The following MACROD2 variants were observed in gnomAD, a reference collection of about 807,000 sequenced individuals.
The protein encoded by MACROD2 is mono-ADP ribosylhydrolase 2.
MACROD2 carries 36 observed loss-of-function variants against 70.4 expected under a neutral mutation model. That is an observed-to-expected ratio of 0.51 (90% CI 0.39 to 0.68). The LOEUF (loss-of-function observed/expected upper bound fraction) is 0.68. Ranked by LOEUF, MACROD2 falls within the 30% of genes least tolerant of loss-of-function variation. MACROD2 has a pLI of 0.00. For synonymous variants in MACROD2, 172 were observed against 178.8 expected, an observed-to-expected ratio of 0.96 and a Z score of 0.30; for missense variants, 496 against 538.4, an observed-to-expected ratio of 0.92 and a Z score of 0.78.
intron 8 of MACROD2, among the ~76,000 whole-genome samples, chr20:15,535,676 A>T (rs2047864758): frequency 6.6e-6 from 1 of 152,144 alleles, no homozygotes; most frequent in Admixed American, 6.5e-5. Context: ...CAACCAAGGC[A>T]GGTGGTACTG....
chr20:15,442,594 T>A (rs1290024779), intron 7 of MACROD2, among the ~76,000 whole-genome samples: 3 of 152,154 alleles, frequency 2.0e-5, no homozygotes, highest in Non-Finnish European at 4.4e-5. Context: ...ACCTTCCATT[T>A]AAGAGAAATT....
chr20:14,597,013 G>T (rs1332284017), intron 4 of MACROD2, among the ~76,000 whole-genome samples: 1 of 152,150 alleles, frequency 6.6e-6, no homozygotes, highest in Non-Finnish European at 1.5e-5. Context: ...TTAAAATGAA[G>T]TGTCATCTTT....
intron 5 of MACROD2, chr20:15,196,926 C>T (rs1171900721): frequency 2.0e-6 from 2 of 985,236 alleles, no homozygotes; most frequent in Non-Finnish European, 2.4e-6. Context: ...GGAAAGACTA[C>T]ATAAAAAACC....
intron 5 of MACROD2, among the ~76,000 whole-genome samples, chr20:15,039,234 A>T (rs1409593536): frequency 6.6e-6 from 1 of 152,214 alleles, no homozygotes; most frequent in Non-Finnish European, 1.5e-5. Context: ...TTAATGAAGT[A>T]TAGGAGAGAA....
At chr20:15,864,128 G>A (rs2147166915) in intron 9 of MACROD2, among the ~76,000 whole-genome samples, 1 of 151,276 alleles carries the variant, frequency 6.6e-6, no homozygotes, top group South Asian at 2.1e-4. Flanking sequence ...AAGCATCTCA[G>A]TGTTTTACAG....
At chr20:15,167,323 T>C (rs943788935) in intron 5 of MACROD2, among the ~76,000 whole-genome samples, 1 of 152,188 alleles carries the variant, frequency 6.6e-6, no homozygotes, top group Non-Finnish European at 1.5e-5. Flanking sequence ...TAGCTTTATC[T>C]GTATTTGTGA....
intron 5 of MACROD2, among the ~76,000 whole-genome samples, chr20:15,133,430 A>G (rs1014792543): frequency 6.6e-6 from 1 of 152,186 alleles, no homozygotes; most frequent in Non-Finnish European, 1.5e-5. Context: ...GGTAAGTCTC[A>G]TACAGAAATA....
chr20:14,076,166 G>A lies in MACROD2; in HGVS notation c.164-9455G>A, dbSNP rs190362291. Among the ~76,000 whole-genome samples the A allele has an allele frequency of 5.9e-5, 9 of 152,090 alleles. No individual in the cohort carries two copies. The East Asian group carries it at 1.7e-3, about 29-fold the overall frequency. On this transcript the variant is annotated intron_variant, in intron 2 of 17. Transcript: ENST00000684519. Reference sequence around the variant, plus strand: ...TCTGTTTGCGGCTATCTGCGTATTTGTTTGTATATGTTTATGTATGTATGT... The same window carrying A: ...TCTGTTTGCGGCTATCTGCGTATTTATTTGTATATGTTTATGTATGTATGT...
At chr20:14,493,563 C>G in intron 4 of MACROD2, 55 bp downstream of exon 4, 2 of 1,414,136 alleles carry the variant, frequency 1.4e-6, no homozygotes, top group Non-Finnish European at 2.0e-6. Context: ...ATACCAACTA[C>G]AAGATATTTA....
At chr20:15,861,691 C>A (rs1231413641) in intron 8 of MACROD2, among the ~76,000 whole-genome samples, 1 of 152,158 alleles carries the variant, frequency 6.6e-6, no homozygotes, top group Non-Finnish European at 1.5e-5. Flanking sequence ...TATAACCCAG[C>A]CCCTACTTCT....
At chr20:15,545,921 C>G (rs2048020099) in intron 8 of MACROD2, among the ~76,000 whole-genome samples, 1 of 152,166 alleles carries the variant, frequency 6.6e-6, no homozygotes, top group African/African-American at 2.4e-5. Context: ...TTATCTCCAT[C>G]TAGTCTTTGA....
At chr20:14,502,626 C>T (rs1184502713) in intron 4 of MACROD2, among the ~76,000 whole-genome samples, 2 of 152,122 alleles carry the variant, frequency 1.3e-5, no homozygotes, top group Admixed American at 6.6e-5. Context: ...TATCACTCTA[C>T]TTGTCATTAT....
rs539558694 is a variant in MACROD2 at position 15,611,374 on chromosome 20, A to G, written c.645+111527A>G. Among the ~76,000 whole-genome samples the G allele has an allele frequency of 2.6e-5, 4 of 152,284 alleles. No homozygotes were observed. The South Asian group carries it at 6.2e-4, about 24-fold the overall frequency. ...CTGCCACCAAGCTGTGTCCATTGGC[A>G]TCCAGCTTCCTCTGCACATCATTTA... On this transcript the variant is annotated intron_variant, in intron 8 of 17. Coordinates refer to ENST00000684519, the MANE Select transcript of MACROD2 (RefSeq NM_001351661.2).
At chr20:15,931,165 A>G (rs1258802009) in intron 10 of MACROD2, among the ~76,000 whole-genome samples, 1 of 152,170 alleles carries the variant, frequency 6.6e-6, no homozygotes, top group African/African-American at 2.4e-5. Context: ...TCCTGCACCA[A>G]CTTGGCCTTG....
intron 2 of MACROD2, among the ~76,000 whole-genome samples, chr20:14,020,224 G>C (rs1392818610): frequency 6.6e-6 from 1 of 152,194 alleles, no homozygotes; most frequent in African/African-American, 2.4e-5. Context: ...TGTAATCCCA[G>C]CACTTTGGGA....
chr20:15,925,281 A>G (rs1275537148), intron 10 of MACROD2, among the ~76,000 whole-genome samples: 2 of 152,228 alleles, frequency 1.3e-5, no homozygotes, highest in Non-Finnish European at 1.5e-5. Flanking sequence ...CCACATGAAT[A>G]TATTTCTTAT....
intron 10 of MACROD2, among the ~76,000 whole-genome samples, chr20:15,921,269 A>G (rs2065401688): frequency 6.6e-6 from 1 of 152,132 alleles, no homozygotes; most frequent in South Asian, 2.1e-4. Context: ...CCAAATGTAC[A>G]TGCTTCCTCT....
At chr20:15,516,796 A>G (rs944991998) in intron 8 of MACROD2, among the ~76,000 whole-genome samples, 38 of 152,182 alleles carry the variant, frequency 2.5e-4, no homozygotes, top group African/African-American at 8.9e-4. Context: ...AAAATTTAGT[A>G]CTTTCTCCCA....
intron 3 of MACROD2, among the ~76,000 whole-genome samples, chr20:14,234,463 A>G (rs1056069777): frequency 6.6e-6 from 1 of 152,144 alleles, no homozygotes; most frequent in African/African-American, 2.4e-5. Flanking sequence ...GTAAGTACAT[A>G]TTTCCTGAAG....
Sources: gnomAD v4.1 joint callset for allele counts (sites outside exome capture counted in the v4.1 genomes callset) on GRCh38, gnomAD v4.1.1 for gene constraint, MANE v1.5 for transcripts, NCBI Gene and HGNC (gene_info 2026-07-23, HGNC 2026-07-21) for gene names.